AGBL4: variants seen among roughly 807,000 people sequenced by gnomAD.
The protein encoded by AGBL4 is cytosolic carboxypeptidase 6.
In AGBL4, 58 loss-of-function variants were observed where a neutral mutation model predicts 66.4. That is an observed-to-expected ratio of 0.87 (90% CI 0.71 to 1.09). The LOEUF is 1.09. AGBL4 is among the 50% of genes least tolerant of loss of function. AGBL4 has a pLI of 0.00. For missense variants in AGBL4, 579 were observed against 631.0 expected (o/e 0.92, Z 0.88); for synonymous variants, 234 against 222.9 (o/e 1.05, Z -0.44).
intron 3 of AGBL4, among the ~76,000 whole-genome samples, chr1:49,410,243 C>T (rs546383122): frequency 2.0e-5 from 3 of 152,296 alleles, no homozygotes; most frequent in African/African-American, 4.8e-5. Flanking sequence ...GCTGCATTCC[C>T]GAGCACGACT....
intron 11 of AGBL4, among the ~76,000 whole-genome samples, chr1:48,570,372 T>C (rs1644542156): frequency 6.6e-6 from 1 of 152,080 alleles, no homozygotes; most frequent in Non-Finnish European, 1.5e-5. Flanking sequence ...TGAGGAGCAG[T>C]AGGGGCTGGA....
At chr1:49,206,915 GGAGA>G (rs879774098) in intron 4 of AGBL4, among the ~76,000 whole-genome samples, 8 of 138,468 alleles carry the variant, frequency 5.8e-5, no homozygotes, top group Non-Finnish European at 9.6e-5. Context: ...GGAGAGGAGA[GGAGA>G]GGAGGTAGGA....
chr1:48,916,565 C>T (rs576161099), intron 5 of AGBL4, among the ~76,000 whole-genome samples: 16 of 152,198 alleles, frequency 1.1e-4, no homozygotes, highest in Admixed American at 9.2e-4. Flanking sequence ...CACACACACA[C>T]AGATACCTTT....
chr1:48,879,676 GTTAAC>G (rs963862864), intron 5 of AGBL4, among the ~76,000 whole-genome samples: 1 of 152,090 alleles, frequency 6.6e-6, no homozygotes, highest in Non-Finnish European at 1.5e-5. Context: ...CTTTATTTAT[GTTAAC>G]TTATCTTATC....
At chr1:49,338,556 A>G (rs926042962) in intron 3 of AGBL4, among the ~76,000 whole-genome samples, 4 of 152,228 alleles carry the variant, frequency 2.6e-5, no homozygotes, top group Admixed American at 1.3e-4. Context: ...GTTGGGGTCC[A>G]GATCTTTGGC....
chr1:48,818,613 C>T (rs1435750616), intron 6 of AGBL4, among the ~76,000 whole-genome samples: 2 of 152,106 alleles, frequency 1.3e-5, no homozygotes, highest in African/African-American at 4.8e-5. Context: ...CAGTTATTTA[C>T]TTACTTATTT....
intron 3 of AGBL4, among the ~76,000 whole-genome samples, chr1:49,424,116 AC>A (rs1382460723): frequency 6.6e-6 from 1 of 152,154 alleles, no homozygotes; most frequent in Non-Finnish European, 1.5e-5. Context: ...GGTGCCTTGA[AC>A]AATGCCATTT....
intron 2 of AGBL4, among the ~76,000 whole-genome samples, chr1:49,699,664 C>T (rs935475539): frequency 1.1e-4 from 17 of 151,812 alleles, no homozygotes; most frequent in Middle Eastern, 3.4e-3. Flanking sequence ...CATGACTTGA[C>T]TTATATGTAG....
At chr1:49,591,325 A>C (rs1284512860) in intron 3 of AGBL4, among the ~76,000 whole-genome samples, 1 of 152,142 alleles carries the variant, frequency 6.6e-6, no homozygotes, top group Non-Finnish European at 1.5e-5. Flanking sequence ...GAATGAAAGA[A>C]GAAACATTAG....
chr1:49,131,297 C>A (rs889570477), intron 4 of AGBL4, among the ~76,000 whole-genome samples: 2 of 152,010 alleles, frequency 1.3e-5, no homozygotes, highest in African/African-American at 4.8e-5. Flanking sequence ...TAAAAATATT[C>A]TATCTTGATT....
At chr1:49,773,847 T>G (rs1265684154) in intron 2 of AGBL4, among the ~76,000 whole-genome samples, 2 of 152,222 alleles carry the variant, frequency 1.3e-5, no homozygotes, top group Non-Finnish European at 2.9e-5. Context: ...GCCTCTCCAC[T>G]GTGCATGCTT....
At chr1:49,773,525 T>C (rs1644118331) in intron 2 of AGBL4, among the ~76,000 whole-genome samples, 1 of 152,206 alleles carries the variant, frequency 6.6e-6, no homozygotes, top group Admixed American at 6.5e-5. Flanking sequence ...AACTGGTCTC[T>C]GTAACAGATT....
chr1:49,416,817 T>G (rs958748188), intron 3 of AGBL4, among the ~76,000 whole-genome samples: 29 of 152,124 alleles, frequency 1.9e-4, no homozygotes, highest in African/African-American at 7.0e-4. Flanking sequence ...ATGTTCTGTA[T>G]AGTATTTATT....
chr1:49,205,085 T>TA (rs1421935089), intron 4 of AGBL4, among the ~76,000 whole-genome samples: 1 of 152,138 alleles, frequency 6.6e-6, no homozygotes, highest in Non-Finnish European at 1.5e-5. Flanking sequence ...TGGTGGGCTA[T>TA]AAACCATAGT....
intron 1 of AGBL4, among the ~76,000 whole-genome samples, chr1:50,006,090 A>T (rs1361384330): frequency 6.6e-6 from 1 of 152,252 alleles, no homozygotes; most frequent in Non-Finnish European, 1.5e-5. Flanking sequence ...CTGTAATCTC[A>T]GCACTTTGGG....
chr1:49,525,936 C>CA (rs912103494), intron 3 of AGBL4, among the ~76,000 whole-genome samples: 1 of 151,316 alleles, frequency 6.6e-6, no homozygotes, highest in African/African-American at 2.4e-5. Context: ...AAAAAAAATA[C>CA]AAAAAATTAG....
intron 11 of AGBL4, among the ~76,000 whole-genome samples, chr1:48,567,666 G>A (rs777317921): frequency 6.6e-6 from 1 of 152,186 alleles, no homozygotes; most frequent in Non-Finnish European, 1.5e-5. Flanking sequence ...CTCCACCACT[G>A]TCTGAGAGAA....
chr1:48,655,353 G>T (rs1264004461), intron 7 of AGBL4, among the ~76,000 whole-genome samples: 1 of 152,002 alleles, frequency 6.6e-6, no homozygotes, highest in Non-Finnish European at 1.5e-5. Flanking sequence ...TGAGAGAGGA[G>T]TATGGGGAAG....
chr1:49,144,700 G>C (rs1452673696), intron 4 of AGBL4, among the ~76,000 whole-genome samples: 1 of 152,152 alleles, frequency 6.6e-6, no homozygotes, highest in African/African-American at 2.4e-5. Flanking sequence ...GATAAATGCT[G>C]TGAAAGAGAA....
Sources: gnomAD v4.1 joint callset for allele counts (sites outside exome capture counted in the v4.1 genomes callset) on GRCh38, gnomAD v4.1.1 for gene constraint, MANE v1.5 for transcripts, NCBI Gene and HGNC (gene_info 2026-07-23, HGNC 2026-07-21) for gene names.